Variants in NXPE4 observed in about 807,000 individuals in gnomAD.
NXPE4 encodes NXPE family member 4.
In NXPE4, 42 loss-of-function variants were observed where a neutral mutation model predicts 33.3. The ratio of observed to expected loss-of-function variants is 1.26; its 90% CI spans 0.98 to 1.63. The LOEUF (loss-of-function observed/expected upper bound fraction) is 1.63. Ranked by LOEUF, NXPE4 falls within the 40% of genes most tolerant of loss-of-function variation. The pLI is 0.00. For synonymous variants in NXPE4, 253 were observed against 234.9 expected (o/e 1.08, Z -0.71); for missense variants, 709 against 647.6 (o/e 1.09, Z -1.03).
chr11:114,621,265 A>ATGGGTAACCACTGTTATCCGG, the NXPE4 span, among the ~76,000 whole-genome samples: 1 of 151,280 alleles, frequency 6.6e-6, no homozygotes, highest in Non-Finnish European at 1.5e-5. Flanking sequence ...GTGTTGCCTC[A>ATGGGTAACCACTGTTATCCGG]TGGGTAACCA....
At chr11:114,621,186 T>A in the NXPE4 span, among the ~76,000 whole-genome samples, 1 of 152,186 alleles carries the variant, frequency 6.6e-6, no homozygotes. Context: ...GCCTCGTGGG[T>A]AACCACTGTT....
chr11:114,583,709 G>A (rs1258955633), intron 2 of NXPE4: 4 of 565,018 alleles, frequency 7.1e-6, no homozygotes, highest in African/African-American at 5.7e-5. Context: ...CTTCTGTTAT[G>A]TTAATGATAC....
chr11:114,658,263 G>A, the NXPE4 span, among the ~76,000 whole-genome samples: 7 of 152,174 alleles, frequency 4.6e-5, no homozygotes, highest in South Asian at 1.2e-3. Flanking sequence ...CAGGGGAAGA[G>A]GATGAACTGC....
chr11:114,625,482 T>G, the NXPE4 span, among the ~76,000 whole-genome samples: 9 of 144,200 alleles, frequency 6.2e-5, no homozygotes, highest in Non-Finnish European at 9.1e-5. Flanking sequence ...GTGGATAATA[T>G]GTATGGCCTC....
the NXPE4 span, among the ~76,000 whole-genome samples, chr11:114,643,471 A>G: frequency 7.2e-5 from 11 of 152,090 alleles, no homozygotes; most frequent in Non-Finnish European, 1.0e-4. Context: ...AGTTTTCTGT[A>G]TATGGCTAGG....
chr11:114,637,085 C>T, the NXPE4 span, among the ~76,000 whole-genome samples: 63 of 151,750 alleles, frequency 4.2e-4, no homozygotes, highest in African/African-American at 1.1e-3. Flanking sequence ...CCATTATTAA[C>T]GTGTGGGAGT....
the NXPE4 span, among the ~76,000 whole-genome samples, chr11:114,611,769 C>A: frequency 1.3e-5 from 2 of 151,508 alleles, no homozygotes; most frequent in East Asian, 1.9e-4. Context: ...TCATGGGTAA[C>A]CACTGTTACC....
chr11:114,640,982 A>C, the NXPE4 span, among the ~76,000 whole-genome samples: 4 of 152,052 alleles, frequency 2.6e-5, no homozygotes, highest in East Asian at 1.9e-4. Context: ...ATTAGAATTA[A>C]GTGTAATCAA....
chr11:114,655,905 A>G, the NXPE4 span, among the ~76,000 whole-genome samples: 79 of 152,280 alleles, frequency 5.2e-4, no homozygotes, highest in African/African-American at 1.4e-3. Context: ...TCTATTCTAC[A>G]TAGTTTTGGA....
chr11:114,614,071 C>G, the NXPE4 span, among the ~76,000 whole-genome samples: 7 of 148,858 alleles, frequency 4.7e-5, no homozygotes, highest in South Asian at 8.6e-4. Context: ...TCGCCTCATG[C>G]ATAACCACTG....
At chr11:114,624,897 G>A in the NXPE4 span, among the ~76,000 whole-genome samples, 1 of 150,588 alleles carries the variant, frequency 6.6e-6, no homozygotes, top group South Asian at 2.1e-4. Flanking sequence ...GATAATAAGT[G>A]TGGCCTCATG....
chr11:114,639,740 A>C, the NXPE4 span, among the ~76,000 whole-genome samples: 1 of 130,788 alleles, frequency 7.6e-6, no homozygotes, highest in Non-Finnish European at 1.6e-5. Flanking sequence ...AATATAAAAT[A>C]ATATATAATA....
chr11:114,589,909 G>T (rs939517899), intron 2 of NXPE4, among the ~76,000 whole-genome samples: 11 of 152,180 alleles, frequency 7.2e-5, no homozygotes, highest in Non-Finnish European at 1.6e-4. Context: ...AATCCATCTG[G>T]TAGTACCTAA....
At chr11:114,575,656 C>T (rs1172950848) in intron 5 of NXPE4, among the ~76,000 whole-genome samples, 1 of 151,780 alleles carries the variant, frequency 6.6e-6, no homozygotes, top group Non-Finnish European at 1.5e-5. Context: ...ATGTCAAAGA[C>T]CTCTACAAGG....
chr11:114,659,875 G>A, the NXPE4 span, among the ~76,000 whole-genome samples: 2 of 152,080 alleles, frequency 1.3e-5, no homozygotes, highest in South Asian at 2.1e-4. Context: ...GTAAATCAAC[G>A]AAACAAAGCT....
chr11:114,630,679 T>C, the NXPE4 span, among the ~76,000 whole-genome samples: 1 of 150,258 alleles, frequency 6.7e-6, no homozygotes, highest in South Asian at 2.1e-4. Flanking sequence ...AAATGGGATC[T>C]AATTAAACTA....
the NXPE4 span, among the ~76,000 whole-genome samples, chr11:114,608,810 C>T: frequency 3.3e-5 from 5 of 151,860 alleles, no homozygotes; most frequent in African/African-American, 7.2e-5. Context: ...AGTGTTGCCT[C>T]GTGGGTAAGC....
chr11:114,625,911 G>A, the NXPE4 span, among the ~76,000 whole-genome samples: 1 of 152,302 alleles, frequency 6.6e-6, no homozygotes, highest in Middle Eastern at 3.4e-3. Flanking sequence ...AGAAAGGGGT[G>A]ACAGACGGCA....
At chr11:114,670,113 A>G in the NXPE4 span, among the ~76,000 whole-genome samples, 1 of 152,066 alleles carries the variant, frequency 6.6e-6, no homozygotes, top group Admixed American at 6.6e-5. Context: ...AAAGGAGTCT[A>G]TATTTAATTT....
Sources: gnomAD v4.1 joint callset for allele counts (sites outside exome capture counted in the v4.1 genomes callset) on GRCh38, gnomAD v4.1.1 for gene constraint, MANE v1.5 for transcripts, NCBI Gene and HGNC (gene_info 2026-07-23, HGNC 2026-07-21) for gene names.